The following CTNNAL1 variants were observed in gnomAD, a reference collection of about 807,000 sequenced individuals.
CTNNAL1 encodes the protein alpha-catulin.
In CTNNAL1, 69 loss-of-function variants were observed where a neutral mutation model predicts 93.6. The observed-to-expected ratio is 0.74, with a 90% CI of 0.61 to 0.90. The LOEUF (loss-of-function observed/expected upper bound fraction) is 0.90, where lower values mean the gene tolerates loss of function less well. Among genes scored for constraint, CTNNAL1 ranks in the 40% least tolerant of loss-of-function variants. The pLI, the probability that CTNNAL1 is intolerant of heterozygous loss-of-function variation, is 0.00. For missense variants in CTNNAL1, 836 were observed against 862.0 expected, an observed-to-expected ratio of 0.97 and a Z score of 0.38; for synonymous variants, 286 against 305.4, an observed-to-expected ratio of 0.94 and a Z score of 0.66.
At chr9:108,972,864 G>GGGGGGGGGGGGGGGGCCCCCCC in intron 8 of CTNNAL1, 31 bp from the exon 9 acceptor site, 3 of 142,548 alleles carry the variant, frequency 2.1e-5, no homozygotes, top group Non-Finnish European at 3.0e-5. Context: ...GGGGGGGTGG[G>GGGGGGGGGGGGGGGGCCCCCCC]AGGGTGGAGA....
chr9:108,969,305 A>G (rs149809859), intron 10 of CTNNAL1, among the ~76,000 whole-genome samples: 116 of 152,116 alleles, frequency 7.6e-4, no homozygotes, highest in Non-Finnish European at 1.6e-3. Flanking sequence ...GTCTTTAACC[A>G]TTTTCCTTAG....
At chr9:108,948,124 C>T (rs920937603) in intron 15 of CTNNAL1, 62 bp downstream of exon 15, 1 of 1,544,340 alleles carries the variant, frequency 6.5e-7, no homozygotes. Flanking sequence ...ATCTGGAAAA[C>T]ATTTATTACC....
intron 6 of CTNNAL1, among the ~76,000 whole-genome samples, chr9:108,981,838 T>C (rs1341672848): frequency 6.6e-6 from 1 of 152,130 alleles, no homozygotes; most frequent in Non-Finnish European, 1.5e-5. Flanking sequence ...GGCAGGACAA[T>C]TGCTTGAACC....
At chr9:108,983,550 G>A (rs1400070590) in intron 5 of CTNNAL1, among the ~76,000 whole-genome samples, 1 of 152,070 alleles carries the variant, frequency 6.6e-6, no homozygotes, top group African/African-American at 2.4e-5. Context: ...TCAACAGTAA[G>A]TTTACTTAAA....
At chr9:108,981,640 C>A (rs1831432578) in intron 6 of CTNNAL1, among the ~76,000 whole-genome samples, 1 of 152,110 alleles carries the variant, frequency 6.6e-6, no homozygotes, top group African/African-American at 2.4e-5. Context: ...AATCAAAGTC[C>A]AGGGCCAGGC....
At chr9:108,995,398 T>G (rs998372628) in intron 2 of CTNNAL1, among the ~76,000 whole-genome samples, 2 of 152,240 alleles carry the variant, frequency 1.3e-5, no homozygotes, top group African/African-American at 4.8e-5. Context: ...TTCCTTTTTC[T>G]GACTAGACCC....
chr9:108,970,319 C>A (rs1427928867), intron 10 of CTNNAL1, 83 bp downstream of exon 10: 1 of 1,256,432 alleles, frequency 8.0e-7, no homozygotes, highest in South Asian at 1.9e-5. Context: ...TTATGAAAAA[C>A]CATTTATACC....
At chr9:108,966,793 G>C (rs1389790814) in intron 10 of CTNNAL1, among the ~76,000 whole-genome samples, 1 of 152,158 alleles carries the variant, frequency 6.6e-6, no homozygotes, top group Non-Finnish European at 1.5e-5. Context: ...GGACTTGATG[G>C]ATGCTAATTG....
At position 108,942,842 on chromosome 9, in the gene CTNNAL1, GAGTT is replaced by G; in HGVS notation, c.2140-12_2140-9del. The G allele has an allele frequency of 1.9e-6, 3 of 1,613,428 alleles. No homozygotes were observed. In the South Asian group the frequency reaches 3.3e-5, roughly 18 times the overall value. On this transcript the variant is annotated splice_polypyrimidine_tract_variant and intron_variant, in intron 18 of 18. Coordinates refer to ENST00000325551, the MANE Select transcript of CTNNAL1 (RefSeq NM_003798.4). The stretch of plus-strand genomic sequence containing the variant: ...GTTATTTTCCATCTGAAGCTGGAAA[GAGTT>G]AAGACAATTAGTATCTGGTTTCACT...
At chr9:109,009,308 T>A (rs1827139138) in intron 1 of CTNNAL1, among the ~76,000 whole-genome samples, 1 of 440 alleles carries the variant, frequency 2.3e-3, no homozygotes, top group Admixed American at 0.026. Flanking sequence ...ACTGCCCTAT[T>A]TTTTTTTTTC....
chr9:108,943,647 G>T (rs1830311621), intron 17 of CTNNAL1, 56 bp downstream of exon 17: 1 of 1,429,126 alleles, frequency 7.0e-7, no homozygotes. Context: ...TGAAGAAAAA[G>T]GGGCTTTAAC....
At chr9:108,988,244 CAGCTAATT>C (rs1831676263) in intron 4 of CTNNAL1, among the ~76,000 whole-genome samples, 1 of 152,180 alleles carries the variant, frequency 6.6e-6, no homozygotes, top group Non-Finnish European at 1.5e-5. Flanking sequence ...CCACCACACT[CAGCTAATT>C]TCTGTATTTT....
chr9:109,013,298 T>A lies in CTNNAL1; in HGVS notation c.141+4A>T, dbSNP rs1827271695. ...AAGAGGGGCCGCGCCAGGCGCCACTTTACCTGAGAAACCAGCGGGAGTAGC... is the reference window on the plus strand; with the variant it reads ...AAGAGGGGCCGCGCCAGGCGCCACTATACCTGAGAAACCAGCGGGAGTAGC... On this transcript the variant is annotated splice_donor_region_variant and intron_variant, in intron 1 of 18. Transcript: ENST00000325551. The A allele has an allele frequency of 6.7e-7, 1 of 1,495,336 alleles. No individual in the cohort carries two copies. The highest frequency in any genetic ancestry group is 1.5e-5 in the African/African-American group (1 of 67,892). The allele number at this position is 1,495,336 out of a possible 1,614,324, so 92.6% of individuals were successfully genotyped here. A position where few individuals can be genotyped will look rare whatever the true frequency, so the allele number is the denominator to read the frequency against.
chr9:109,010,718 A>G (rs1478403211), intron 1 of CTNNAL1, among the ~76,000 whole-genome samples: 5 of 152,234 alleles, frequency 3.3e-5, no homozygotes, highest in Non-Finnish European at 7.3e-5. Flanking sequence ...TTGCATTCTT[A>G]GAATAAGGCC....
chr9:108,972,864 G>GGGGGGGGCCGCCCCCCCC, intron 8 of CTNNAL1, 31 bp from the exon 9 acceptor site: 2 of 142,586 alleles, frequency 1.4e-5, no homozygotes, highest in Non-Finnish European at 2.0e-5. Flanking sequence ...GGGGGGGTGG[G>GGGGGGGGCCGCCCCCCCC]AGGGTGGAGA....
intron 4 of CTNNAL1, among the ~76,000 whole-genome samples, chr9:108,986,015 C>A (rs181689928): frequency 2.0e-4 from 31 of 151,872 alleles, no homozygotes; most frequent in Non-Finnish European, 3.5e-4. Flanking sequence ...TCACTACTGC[C>A]ACTTTCTTTT....
At chr9:108,961,328 T>TCA (rs1830816440) in intron 11 of CTNNAL1, among the ~76,000 whole-genome samples, 1 of 152,114 alleles carries the variant, frequency 6.6e-6, no homozygotes, top group Non-Finnish European at 1.5e-5. Flanking sequence ...TTCAGTTCAG[T>TCA]CAGAATGGTT....
rs1831870603 is a variant in CTNNAL1, at chr9:108,992,962, A to G, written c.332-143T>C. 1.0e-5 allele frequency: 9 copies of G among 888,214 alleles called. No homozygotes were observed. The South Asian group carries it at 1.6e-4, about 16-fold the overall frequency. The allele number at this position is 888,214 out of a possible 1,614,324, so 55.0% of individuals were successfully genotyped here. A position where few individuals can be genotyped will look rare whatever the true frequency, so the allele number is the denominator to read the frequency against. ...AGGAACAAGAAACGGTTTCACCTTG[A>G]CGATTGTAGGGATTATCATACGAAG... is the stretch of plus-strand genomic sequence containing the variant. On this transcript the variant is annotated intron_variant, in intron 2 of 18. Coordinates refer to ENST00000325551, the MANE Select transcript of CTNNAL1 (RefSeq NM_003798.4).
At chr9:108,980,335 A>G (rs1831391194) in intron 6 of CTNNAL1, among the ~76,000 whole-genome samples, 1 of 152,188 alleles carries the variant, frequency 6.6e-6, no homozygotes, top group Admixed American at 6.5e-5. Context: ...TCAACCCTGT[A>G]AAACACTACA....
Sources: gnomAD v4.1 joint callset for allele counts (sites outside exome capture counted in the v4.1 genomes callset) on GRCh38, gnomAD v4.1.1 for gene constraint, MANE v1.5 for transcripts, NCBI Gene and HGNC (gene_info 2026-07-23, HGNC 2026-07-21) for gene names.